Variants in GON4L observed in about 807,000 individuals in gnomAD.
GON4L encodes gon-4 like.
A neutral mutation model predicts 211.8 loss-of-function variants in GON4L; 87 were observed. The observed-to-expected ratio is 0.41, with a 90% CI of 0.35 to 0.49. The LOEUF (loss-of-function observed/expected upper bound fraction) is 0.49. Ranked by LOEUF, GON4L falls within the 20% of genes least tolerant of loss-of-function variation. GON4L has a pLI of 0.15. For missense variants in GON4L, 2,155 were observed against 2,659.5 expected (o/e 0.81, Z 4.17); for synonymous variants, 875 against 962.6 (o/e 0.91, Z 1.68).
At chr1:155,791,473 T>G (rs1407958590) in intron 12 of GON4L, among the ~76,000 whole-genome samples, 1 of 150,738 alleles carries the variant, frequency 6.6e-6, no homozygotes, top group Non-Finnish European at 1.5e-5. Context: ...CTTGAAACTT[T>G]CCTATGTTTT....
chr1:155,804,612 C>T (rs1175854724), intron 11 of GON4L, among the ~76,000 whole-genome samples: 2 of 151,646 alleles, frequency 1.3e-5, no homozygotes, highest in South Asian at 2.1e-4. Flanking sequence ...AGTGACATCT[C>T]GTTTCTACAA....
chr1:155,854,346 G>A (rs554122992), intron 1 of GON4L, among the ~76,000 whole-genome samples: 79 of 152,180 alleles, frequency 5.2e-4, no homozygotes, highest in Admixed American at 9.2e-4. Context: ...TAGTAGAGAT[G>A]GGGTTTCACC....
chr1:155,776,522 AT>A, intron 15 of GON4L, 41 bp from the exon 16 acceptor site: 1 of 1,391,810 alleles, frequency 7.2e-7, no homozygotes. Flanking sequence ...ATGTTACCAC[AT>A]TGTCATTTCA....
chr1:155,821,383 G>A (rs1204812383), intron 5 of GON4L, 91 bp downstream of exon 5: 2 of 797,076 alleles, frequency 2.5e-6, no homozygotes, highest in Non-Finnish European at 4.5e-6. Flanking sequence ...CTGCCAAACT[G>A]TTTACAAACT....
chr1:155,751,889 A>G lies in GON4L; in HGVS notation c.6474-20T>C. 6.2e-7 allele frequency: 1 copy of G among 1,612,120 alleles called. No individual in the cohort carries two copies. The highest frequency in any genetic ancestry group is 2.2e-5 in the East Asian group (1 of 44,864). Reference sequence around the variant, plus strand: ...GCTTCCCTGTAACCCAGGTATCATGATTAACCCTAGGGAGCCACATGGATG... The same window carrying G: ...GCTTCCCTGTAACCCAGGTATCATGGTTAACCCTAGGGAGCCACATGGATG... On this transcript the variant is annotated intron_variant, in intron 30 of 31. Coordinates refer to ENST00000368331, the MANE Select transcript of GON4L (RefSeq NM_001282860.2).
chr1:155,816,769 T>C (rs1327020132), intron 6 of GON4L, among the ~76,000 whole-genome samples: 2 of 88,282 alleles, frequency 2.3e-5, no homozygotes, highest in African/African-American at 3.7e-5. Flanking sequence ...GCTTTTTTTT[T>C]TCTTAAAAAA....
intron 12 of GON4L, among the ~76,000 whole-genome samples, chr1:155,785,721 TCAGCCCAACTCGGCCTCC>T (rs1283832058): frequency 6.6e-6 from 1 of 152,196 alleles, no homozygotes; most frequent in Non-Finnish European, 1.5e-5. Context: ...GCTCAAGTGA[TCAGCCCAACTCGGCCTCC>T]CAAAATGGTG....
At chr1:155,771,400 G>A (rs1663176521) in intron 18 of GON4L, among the ~76,000 whole-genome samples, 183 bp from the exon 19 acceptor site, 1 of 152,112 alleles carries the variant, frequency 6.6e-6, no homozygotes, top group Admixed American at 6.6e-5. Context: ...TTCCTAGGCT[G>A]AAGCAATTCT....
chr1:155,841,129 T>C (rs1209026261), intron 2 of GON4L, among the ~76,000 whole-genome samples: 1 of 152,254 alleles, frequency 6.6e-6, no homozygotes, highest in Non-Finnish European at 1.5e-5. Flanking sequence ...ACTTATTCTA[T>C]GCCTTGATAC....
At chr1:155,853,990 T>C (rs1408140712) in intron 1 of GON4L, among the ~76,000 whole-genome samples, 184 bp from the exon 2 acceptor site, 3 of 152,226 alleles carry the variant, frequency 2.0e-5, no homozygotes, top group Non-Finnish European at 4.4e-5. Context: ...TCAACTCTAC[T>C]GATTACTACT....
chr1:155,765,450 C>T lies in GON4L; in HGVS notation c.4023G>A (p.Glu1341=), dbSNP rs955233797. Reference sequence around the variant, plus strand: ...CTTTGATGTCATCACAAATATCACGCTCAGGGGATCCACTGATTTCCTCTC... The same window carrying T: ...CTTTGATGTCATCACAAATATCACGTTCAGGGGATCCACTGATTTCCTCTC... ...EAREEISGSP[E]RDICDDIKVE... is the part of the protein sequence containing the mutation. Residue 1341 remains glutamate, a synonymous_variant, in exon 21 of 32, where the codon GAG becomes GAA. Transcript: ENST00000368331. 68 of 1,614,090 alleles carry T rather than the reference C, an allele frequency of 4.2e-5. No homozygotes were observed. The highest frequency in any genetic ancestry group is 5.8e-5 in the Non-Finnish European group (68 of 1,180,036).
intron 11 of GON4L, among the ~76,000 whole-genome samples, chr1:155,796,138 T>A (rs1164144819): frequency 2.0e-5 from 3 of 152,066 alleles, no homozygotes; most frequent in Non-Finnish European, 4.4e-5. Flanking sequence ...AAAAGTACAA[T>A]ATATACATAA....
In GON4L at chr1:155,812,601, G is replaced by A. The variant is rs138384324; in HGVS notation, c.1452+1033C>T. On this transcript the variant is annotated intron_variant, in intron 10 of 31. Coordinates refer to ENST00000368331, the MANE Select transcript of GON4L (RefSeq NM_001282860.2). ...GACAGAGTCTCTCTCCATTGCCCAGGCTGGAGTGCAGTGGCGCAATCTCAG... is the reference window on the plus strand; with the variant it reads ...GACAGAGTCTCTCTCCATTGCCCAGACTGGAGTGCAGTGGCGCAATCTCAG... 8.2e-3 allele frequency among the ~76,000 whole-genome samples: 1,240 copies of A among 151,514 alleles called. 18 individuals are homozygous for A. The highest frequency in any genetic ancestry group is 0.029 in the African/African-American group (1,179 of 41,274).
chr1:155,789,068 A>T (rs1296238115), intron 12 of GON4L, among the ~76,000 whole-genome samples: 1 of 146,620 alleles, frequency 6.8e-6, no homozygotes, highest in Non-Finnish European at 1.5e-5. Flanking sequence ...TGGGTGACAG[A>T]GCGAGACTCC....
intron 23 of GON4L, 56 bp downstream of exon 23, chr1:155,762,134 G>T: frequency 2.9e-6 from 4 of 1,360,520 alleles, no homozygotes; most frequent in African/African-American, 1.4e-5. Context: ...CATCTCCCTT[G>T]AAGAAGCAGC....
At chr1:155,802,989 C>A (rs564249275) in intron 11 of GON4L, among the ~76,000 whole-genome samples, 1 of 152,216 alleles carries the variant, frequency 6.6e-6, no homozygotes, top group African/African-American at 2.4e-5. Context: ...GTATTGTGAA[C>A]CTAACAATGG....
At chr1:155,804,629 A>G (rs1252556911) in intron 11 of GON4L, among the ~76,000 whole-genome samples, 1 of 151,868 alleles carries the variant, frequency 6.6e-6, no homozygotes, top group Non-Finnish European at 1.5e-5. Context: ...ACAAAAAATA[A>G]AAAATTAGTC....
At chr1:155,805,685 A>G (rs1002700437) in intron 10 of GON4L, among the ~76,000 whole-genome samples, 3 of 150,324 alleles carry the variant, frequency 2.0e-5, no homozygotes, top group South Asian at 4.2e-4. Flanking sequence ...TGTAATATCT[A>G]TCAATACTTT....
chr1:155,823,966 A>C (rs149516593), intron 3 of GON4L, among the ~76,000 whole-genome samples: 23 of 152,320 alleles, frequency 1.5e-4, no homozygotes, highest in African/African-American at 5.5e-4. Flanking sequence ...TTTCACAATA[A>C]AAAATTTAGT....
Sources: allele counts gnomAD v4.1 joint callset (sites outside exome capture counted in the v4.1 genomes callset), GRCh38; gene constraint gnomAD v4.1.1; transcripts MANE v1.5; gene names NCBI Gene and HGNC (gene_info 2026-07-23, HGNC 2026-07-21).